The following FAM47E variants were observed in gnomAD, a reference collection of about 807,000 sequenced individuals.
FAM47E encodes family with sequence similarity 47 member E.
Under a neutral mutation model 41.6 loss-of-function variants are expected in FAM47E, and 32 were observed. That is an observed-to-expected ratio of 0.77 (90% CI 0.58 to 1.03). FAM47E has a LOEUF of 1.03. Ranked by LOEUF, FAM47E falls within the 50% of genes least tolerant of loss-of-function variation. The probability of loss-of-function intolerance (pLI) is 0.00; values close to 1 mark genes in which losing one functional copy is unlikely to be tolerated. For missense variants in FAM47E, 424 were observed against 485.4 expected (o/e 0.87, Z 1.19); for synonymous variants, 184 against 188.7 (o/e 0.98, Z 0.20).
intron 2 of FAM47E, among the ~76,000 whole-genome samples, chr4:76,232,779 G>A (rs1248827537): frequency 6.6e-6 from 1 of 151,996 alleles, no homozygotes; most frequent in Non-Finnish European, 1.5e-5. Flanking sequence ...AGACAATTAT[G>A]AAACTTAAGT....
At chr4:76,279,732 C>T (rs1240267678) in intron 6 of FAM47E, 1 of 152,366 alleles carries the variant, frequency 6.6e-6, no homozygotes, top group African/African-American at 2.4e-5. Context: ...ACATGACTGT[C>T]TTTCTGGGAA....
At chr4:76,268,983 A>G (rs1560749063) in intron 4 of FAM47E, 7 of 558,034 alleles carry the variant, frequency 1.3e-5, no homozygotes, top group Non-Finnish European at 2.0e-5. Flanking sequence ...ATTTCTGGAA[A>G]GGTTGCAAAC....
intron 4 of FAM47E, among the ~76,000 whole-genome samples, chr4:76,270,604 T>G (rs1475177265): frequency 6.6e-6 from 1 of 152,164 alleles, no homozygotes; most frequent in African/African-American, 2.4e-5. Flanking sequence ...CAGCGTCCAC[T>G]TCTCCCATTC....
chr4:76,274,761 G>A (rs1735027794), intron 5 of FAM47E, among the ~76,000 whole-genome samples: 1 of 152,100 alleles, frequency 6.6e-6, no homozygotes, highest in Non-Finnish European at 1.5e-5. Flanking sequence ...TTTCCTTTTG[G>A]TTCTTTCCCT....
Position 76,268,746 on chromosome 4 carries a change from C to G in FAM47E, c.647C>G (p.Pro216Arg). 6.4e-7 allele frequency: 1 copy of G among 1,551,412 alleles called. No homozygotes were observed. The highest frequency in any genetic ancestry group is 8.7e-7 in the Non-Finnish European group (1 of 1,146,902). ...HKMDLLHENG[P>R]RPGLHENGIS... ...ATGGATTTGCTCCATGAAAATGGTC[C>G]TCGTCCTGGTCTTCATGAAAATGTA... Residue 216 changes from proline to arginine, a missense_variant, in exon 4 of 8, where the codon CCT becomes CGT. Transcript: ENST00000424749.
At chr4:76,252,471 G>C (rs1273833324) in intron 1 of FAM47E, among the ~76,000 whole-genome samples, 1 of 152,174 alleles carries the variant, frequency 6.6e-6, no homozygotes, top group Non-Finnish European at 1.5e-5. Flanking sequence ...GGCTTGAGTA[G>C]AAGGCTAGTT....
chr4:76,240,538 T>A (rs941193489), intron 2 of FAM47E, among the ~76,000 whole-genome samples: 1 of 152,198 alleles, frequency 6.6e-6, no homozygotes, highest in Non-Finnish European at 1.5e-5. Flanking sequence ...GTGGGGCTGT[T>A]TGACGATGTC....
chr4:76,234,560 C>T (rs982535070), intron 2 of FAM47E: 2 of 152,206 alleles, frequency 1.3e-5, no homozygotes, highest in Non-Finnish European at 2.9e-5. Context: ...CGGCCAGGCT[C>T]CTCCCCGCTG....
chr4:76,234,122 C>A (rs989510617), intron 2 of FAM47E, among the ~76,000 whole-genome samples: 1 of 152,022 alleles, frequency 6.6e-6, no homozygotes, highest in African/African-American at 2.4e-5. Flanking sequence ...TCAGCCCAGG[C>A]AGGGAGGGGA....
At chr4:76,278,307 G>A in intron 6 of FAM47E, 83 bp downstream of exon 6, 1 of 1,359,544 alleles carries the variant, frequency 7.4e-7, no homozygotes, top group Non-Finnish European at 9.5e-7. Flanking sequence ...ACCAGACTCT[G>A]CGGCGTAATA....
intron 1 of FAM47E, among the ~76,000 whole-genome samples, chr4:76,216,986 T>C (rs1326218016): frequency 1.3e-5 from 2 of 152,234 alleles, no homozygotes; most frequent in African/African-American, 4.8e-5. Context: ...CAGTTCCATC[T>C]TCTCTACCCA....
At chr4:76,276,368 G>T (rs116809741) in intron 5 of FAM47E, among the ~76,000 whole-genome samples, 24,848 of 149,498 alleles carry the variant, frequency 0.17, 2,274 homozygotes, top group African/African-American at 0.23. Flanking sequence ...TTTTTTGTTT[G>T]TTTGTTTTTT....
intron 6 of FAM47E, chr4:76,279,905 C>A (rs1328227036): frequency 1.2e-5 from 2 of 167,508 alleles, no homozygotes; most frequent in Non-Finnish European, 2.6e-5. Flanking sequence ...TGGGACTGAT[C>A]AAATCATATT....
chr4:76,219,355 C>A (rs549799019), intron 2 of FAM47E, among the ~76,000 whole-genome samples: 1 of 152,088 alleles, frequency 6.6e-6, no homozygotes, highest in Non-Finnish European at 1.5e-5. Context: ...TATATTCTGA[C>A]GTGAAATGTA....
intron 1 of FAM47E, among the ~76,000 whole-genome samples, chr4:76,254,454 C>CT (rs1273939414): frequency 6.6e-6 from 1 of 152,154 alleles, no homozygotes; most frequent in African/African-American, 2.4e-5. Context: ...TGCCATTTAG[C>CT]TATTTAAGAG....
At chr4:76,214,695 G>A (rs1345474768) in intron 1 of FAM47E, among the ~76,000 whole-genome samples, 1 of 152,222 alleles carries the variant, frequency 6.6e-6, no homozygotes, top group African/African-American at 2.4e-5. Context: ...GACTCAAGAA[G>A]TGTTCGTTAA....
At chr4:76,214,133 G>A in exon 1 of FAM47E, 1 of 437,122 alleles carries the variant, frequency 2.3e-6, no homozygotes, top group South Asian at 1.6e-5. Context: ...AGGTCTGAGG[G>A]CCTCCCATGG....
chr4:76,226,762 A>G (rs759307783), intron 2 of FAM47E, among the ~76,000 whole-genome samples: 35 of 152,082 alleles, frequency 2.3e-4, no homozygotes, highest in Non-Finnish European at 8.8e-5. Context: ...AGTGTTGTAT[A>G]TTTCCAGGAA....
intron 5 of FAM47E, among the ~76,000 whole-genome samples, chr4:76,276,354 A>ATTTTTTGTTT (rs1735106925): frequency 3.0e-5 from 2 of 65,838 alleles, no homozygotes; most frequent in Non-Finnish European, 7.4e-5. Flanking sequence ...GGAGGGGGTT[A>ATTTTTTGTTT]CTTTTTTTTG....
Sources: gnomAD v4.1 joint callset for allele counts (sites outside exome capture counted in the v4.1 genomes callset) on GRCh38, gnomAD v4.1.1 for gene constraint, MANE v1.5 for transcripts, NCBI Gene and HGNC (gene_info 2026-07-23, HGNC 2026-07-21) for gene names.